Variants in APBB2 observed in about 807,000 individuals in gnomAD.
APBB2 encodes Fe65-like 1.
In APBB2, 38 loss-of-function variants were observed where a neutral mutation model predicts 82.5. The ratio of observed to expected loss-of-function variants is 0.46; its 90% CI spans 0.36 to 0.60. APBB2 has a LOEUF of 0.60. Ranked by LOEUF, APBB2 falls within the 20% of genes least tolerant of loss-of-function variation. The pLI, the probability that APBB2 is intolerant of heterozygous loss-of-function variation, is 0.00. For synonymous variants in APBB2, 341 were observed against 368.2 expected (o/e 0.93, Z 0.85); for missense variants, 772 against 972.3 (o/e 0.79, Z 2.74).
At chr4:41,174,007 A>C (rs1455228486) in intron 1 of APBB2, among the ~76,000 whole-genome samples, 1 of 152,260 alleles carries the variant, frequency 6.6e-6, no homozygotes, top group African/African-American at 2.4e-5. Context: ...GAACAAAAGC[A>C]AGATAAATCA....
At chr4:40,948,890 C>CAAAAAAAAAAAAAAAAAAAA (rs59172492) in intron 6 of APBB2, among the ~76,000 whole-genome samples, 5 of 101,612 alleles carry the variant, frequency 4.9e-5, no homozygotes, top group African/African-American at 2.0e-4. Flanking sequence ...ATCCTGTCTC[C>CAAAAAAAAAAAAAAAAAAAA]AAAAAAAAAA....
intron 6 of APBB2, among the ~76,000 whole-genome samples, chr4:40,986,037 C>T (rs1288842118): frequency 6.6e-6 from 1 of 152,104 alleles, no homozygotes; most frequent in Admixed American, 6.5e-5. Context: ...ATTTGAAAAA[C>T]CTTTAAGCTC....
At chr4:41,166,661 C>T (rs1014954013) in intron 1 of APBB2, among the ~76,000 whole-genome samples, 2 of 151,380 alleles carry the variant, frequency 1.3e-5, no homozygotes, top group South Asian at 2.1e-4. Context: ...TTTGGGAGGC[C>T]GAGGCAGGCG....
intron 4 of APBB2, 47 bp from the exon 5 acceptor site, chr4:41,033,351 G>A: frequency 8.1e-7 from 1 of 1,232,640 alleles, no homozygotes; most frequent in South Asian, 1.5e-5. Context: ...AAATAACAAA[G>A]CATAAAAGAA....
intron 6 of APBB2, among the ~76,000 whole-genome samples, chr4:41,004,947 G>A (rs1169246296): frequency 6.6e-6 from 1 of 150,978 alleles, no homozygotes; most frequent in African/African-American, 2.4e-5. Flanking sequence ...ACAAATTCTT[G>A]AACTATTGTT....
intron 12 of APBB2, among the ~76,000 whole-genome samples, chr4:40,889,051 A>T (rs1316699168): frequency 6.6e-6 from 1 of 152,210 alleles, no homozygotes; most frequent in African/African-American, 2.4e-5. Flanking sequence ...CAAGCAAGGG[A>T]ATGACAGGTG....
chr4:41,046,595 A>T (rs1041527199), intron 4 of APBB2, among the ~76,000 whole-genome samples: 1 of 93,896 alleles, frequency 1.1e-5, no homozygotes, highest in African/African-American at 2.8e-5. Context: ...TCTCCAGTTT[A>T]AAAAAAAAAA....
chr4:40,887,997 G>A (rs773761910), intron 12 of APBB2, among the ~76,000 whole-genome samples: 3 of 152,248 alleles, frequency 2.0e-5, no homozygotes, highest in South Asian at 2.1e-4. Flanking sequence ...TGGAACAGCC[G>A]CTCATCCTCT....
At chr4:40,845,606 A>AAC (rs1261266032) in intron 12 of APBB2, among the ~76,000 whole-genome samples, 2 of 149,758 alleles carry the variant, frequency 1.3e-5, no homozygotes, top group Admixed American at 6.6e-5. Context: ...AAAAAAAAAA[A>AAC]AAAAAAAAAC....
At chr4:41,116,646 A>C (rs1218333504) in intron 2 of APBB2, among the ~76,000 whole-genome samples, 2 of 152,096 alleles carry the variant, frequency 1.3e-5, no homozygotes, top group Non-Finnish European at 2.9e-5. Flanking sequence ...AAATAAAGTC[A>C]TGCTAGCTAT....
intron 12 of APBB2, among the ~76,000 whole-genome samples, chr4:40,853,967 C>T (rs559622149): frequency 6.6e-6 from 1 of 152,284 alleles, no homozygotes; most frequent in South Asian, 2.1e-4. Flanking sequence ...GGCTTATCTC[C>T]TGCCTCTTCA....
chr4:40,856,598 A>C (rs1292885981), intron 12 of APBB2, among the ~76,000 whole-genome samples: 1 of 152,236 alleles, frequency 6.6e-6, no homozygotes, highest in South Asian at 2.1e-4. Context: ...TTCAGTCCTA[A>C]TGTAGACAGG....
intron 12 of APBB2, among the ~76,000 whole-genome samples, chr4:40,858,968 A>G (rs138195764): frequency 2.5e-4 from 38 of 152,348 alleles, no homozygotes; most frequent in African/African-American, 7.7e-4. Flanking sequence ...GACAGCAGCA[A>G]GCTCAGAGAT....
chr4:40,898,540 T>G (rs1284530557), intron 10 of APBB2, among the ~76,000 whole-genome samples: 1 of 152,084 alleles, frequency 6.6e-6, no homozygotes, highest in Non-Finnish European at 1.5e-5. Context: ...GCTGGGATTA[T>G]AGGCATTTGC....
chr4:40,934,527 A>T lies in APBB2; in HGVS notation c.1194-11T>A. ...GGGTGTGGGGCATTTCTAGGCAGAA[A>T]AACAGAAAAGTGGACTTAGAATTCT... On this transcript the variant is annotated splice_polypyrimidine_tract_variant and intron_variant, in intron 9 of 17. Coordinates refer to ENST00000508593, the MANE Select transcript of APBB2 (RefSeq NM_004307.2). The T allele has an allele frequency of 5.6e-6, 9 of 1,614,136 alleles. No homozygotes were observed. The highest frequency in any genetic ancestry group is 7.6e-6 in the Non-Finnish European group (9 of 1,179,988).
chr4:40,951,351 G>C (rs533841879), intron 6 of APBB2, among the ~76,000 whole-genome samples: 1 of 152,300 alleles, frequency 6.6e-6, no homozygotes, highest in South Asian at 2.1e-4. Context: ...TTCTTAAACA[G>C]AGATATGCCG....
At chr4:41,204,176 G>C (rs1777384989) in intron 1 of APBB2, among the ~76,000 whole-genome samples, 1 of 152,236 alleles carries the variant, frequency 6.6e-6, no homozygotes, top group South Asian at 2.1e-4. Context: ...CATGTCGTAA[G>C]AACGAGATGG....
intron 1 of APBB2, among the ~76,000 whole-genome samples, chr4:41,166,031 GC>G (rs1766479743): frequency 6.6e-6 from 1 of 151,588 alleles, no homozygotes; most frequent in South Asian, 2.1e-4. Flanking sequence ...CCGCCACCAC[GC>G]CCGGCTAATT....
At chr4:41,138,546 T>C (rs1758229946) in intron 2 of APBB2, among the ~76,000 whole-genome samples, 1 of 152,172 alleles carries the variant, frequency 6.6e-6, no homozygotes, top group Non-Finnish European at 1.5e-5. Context: ...GCAAAGGATT[T>C]GAACAGGTAT....
Sources: gnomAD v4.1 joint callset for allele counts (sites outside exome capture counted in the v4.1 genomes callset) on GRCh38, gnomAD v4.1.1 for gene constraint, MANE v1.5 for transcripts, NCBI Gene and HGNC (gene_info 2026-07-23, HGNC 2026-07-21) for gene names.